The following CCDC102B variants were observed in gnomAD, a reference collection of about 807,000 sequenced individuals.
CCDC102B encodes the protein coiled-coil domain-containing protein 102B.
A neutral mutation model predicts 57.4 loss-of-function variants in CCDC102B; 75 were observed. The observed-to-expected ratio is 1.31, with a 90% confidence interval of 1.08 to 1.58. The LOEUF is 1.58. Among genes scored for constraint, CCDC102B ranks in the 40% most tolerant of loss-of-function variants. The pLI, the probability that CCDC102B is intolerant of heterozygous loss-of-function variation, is 0.00. For missense variants in CCDC102B, 636 were observed against 582.6 expected (o/e 1.09, Z -0.94); for synonymous variants, 206 against 201.9 (o/e 1.02, Z -0.17).
chr18:69,003,098 A>C (rs2051249198), intron 6 of CCDC102B, among the ~76,000 whole-genome samples: 1 of 152,166 alleles, frequency 6.6e-6, no homozygotes, highest in Non-Finnish European at 1.5e-5. Context: ...TCTGTCTCAA[A>C]ATATTTTTTT....
At chr18:68,939,660 C>T (rs985318312) in intron 6 of CCDC102B, among the ~76,000 whole-genome samples, 43 of 151,834 alleles carry the variant, frequency 2.8e-4, no homozygotes, top group Middle Eastern at 3.4e-3. Context: ...TAGAATATGT[C>T]GCAGAAGGTT....
chr18:68,999,294 C>T (rs1254119138), intron 6 of CCDC102B, among the ~76,000 whole-genome samples: 1 of 151,986 alleles, frequency 6.6e-6, no homozygotes, highest in Non-Finnish European at 1.5e-5. Context: ...AAATAAGTTT[C>T]TCTTTTTGTT....
chr18:68,800,289 G>A (rs1261142111), intron 1 of CCDC102B, among the ~76,000 whole-genome samples: 1 of 152,084 alleles, frequency 6.6e-6, no homozygotes, highest in Non-Finnish European at 1.5e-5. Context: ...TCTGGCAGAA[G>A]TCGAGCAGAA....
intron 2 of CCDC102B, among the ~76,000 whole-genome samples, chr18:68,752,479 GA>G (rs72175132): frequency 0.32 from 44,510 of 137,614 alleles, 6,901 homozygotes; most frequent in Non-Finnish European, 0.36. Flanking sequence ...GAAAATGTCT[GA>G]AAAAAAAAAA....
chr18:68,785,693 A>T (rs2035180777), intron 2 of CCDC102B, among the ~76,000 whole-genome samples: 2 of 146,172 alleles, frequency 1.4e-5, no homozygotes, highest in Admixed American at 1.4e-4. Flanking sequence ...TTTTCTTGTA[A>T]ATTTGTTTGA....
intron 2 of CCDC102B, among the ~76,000 whole-genome samples, chr18:68,788,449 A>AG (rs1392939195): frequency 6.6e-6 from 1 of 150,530 alleles, no homozygotes; most frequent in African/African-American, 2.5e-5. Flanking sequence ...TCCCATTATT[A>AG]ATGTGTGGGA....
chr18:68,750,437 T>C (rs1399434748), intron 2 of CCDC102B, among the ~76,000 whole-genome samples: 2 of 152,162 alleles, frequency 1.3e-5, no homozygotes, highest in Non-Finnish European at 2.9e-5. Flanking sequence ...GCCATCCCAT[T>C]AGTGGGTATA....
intron 2 of CCDC102B, among the ~76,000 whole-genome samples, chr18:68,755,422 T>C (rs181144888): frequency 1.3e-5 from 2 of 152,262 alleles, no homozygotes; most frequent in Admixed American, 1.3e-4. Flanking sequence ...ATGGAATCTA[T>C]GAAAAATTCC....
At chr18:68,725,246 G>C (rs1202740067) in intron 2 of CCDC102B, among the ~76,000 whole-genome samples, 2 of 152,208 alleles carry the variant, frequency 1.3e-5, no homozygotes, top group Non-Finnish European at 2.9e-5. Context: ...ATATCAGGTA[G>C]ATTCTGTGTC....
At chr18:68,718,485 G>A (rs1568215028) in intron 2 of CCDC102B, among the ~76,000 whole-genome samples, 2 of 152,288 alleles carry the variant, frequency 1.3e-5, no homozygotes, top group East Asian at 3.9e-4. Flanking sequence ...TAAAAGTTGG[G>A]ATACAGGTAA....
At chr18:68,838,518 CAT>C (rs2037484756) in intron 2 of CCDC102B, 186 bp from the exon 3 acceptor site, 1 of 984,818 alleles carries the variant, frequency 1.0e-6, no homozygotes, top group Non-Finnish European at 1.2e-6. Context: ...GAAAGTAGAA[CAT>C]AGAAAAAAAC....
intron 6 of CCDC102B, among the ~76,000 whole-genome samples, chr18:68,914,023 T>C (rs147610886): frequency 3.3e-4 from 50 of 152,340 alleles, no homozygotes; most frequent in African/African-American, 1.2e-3. Context: ...TTTTAAAACA[T>C]AGGTAATTTT....
At chr18:68,798,539 G>C (rs2035718254) in intron 1 of CCDC102B, 1 of 152,122 alleles carries the variant, frequency 6.6e-6, no homozygotes, top group African/African-American at 2.4e-5. Flanking sequence ...ATGTGAATTA[G>C]TCATTGTGTT....
At chr18:68,828,337 A>AAAC (rs2036997767) in intron 1 of CCDC102B, among the ~76,000 whole-genome samples, 1 of 150,540 alleles carries the variant, frequency 6.6e-6, no homozygotes, top group Non-Finnish European at 1.5e-5. Flanking sequence ...AAAAAAAAAA[A>AAAC]AAAAAAAAAA....
intron 6 of CCDC102B, among the ~76,000 whole-genome samples, chr18:68,952,974 CAAAG>C (rs1178277099): frequency 2.0e-5 from 3 of 151,816 alleles, no homozygotes; most frequent in African/African-American, 7.3e-5. Context: ...AATTAGAAAA[CAAAG>C]AAATGACCAT....
At position 69,011,012 on chromosome 18, in the gene CCDC102B, A is replaced by G. The variant is rs2051500411; in HGVS notation, c.1342A>G (p.Asn448Asp). 1 of 1,614,030 alleles carries G rather than the reference A, an allele frequency of 6.2e-7. No homozygotes were observed. Among genetic ancestry groups the G allele is most frequent in the Middle Eastern group, 1.7e-4 (1 of 6,058 alleles). ...AAATATTGCAGAACTGACTCATGCA[A>G]ACAACCGAGTGGATCAAAATGAAGC... is the stretch of plus-strand genomic sequence containing the variant. ...QANIAELTHA[N>D]NRVDQNEAEV... The change falls in exon 7 of 8, where the codon AAC (asparagine) becomes GAC (aspartate). Residue 448 changes from asparagine to aspartate, a missense_variant. Physicochemically the swap from Asn to Asp is conservative, Grantham distance 23. Coordinates refer to ENST00000360242, the MANE Select transcript of CCDC102B (RefSeq NM_024781.3).
chr18:68,826,621 A>G (rs1288234703), intron 1 of CCDC102B, among the ~76,000 whole-genome samples: 1 of 152,172 alleles, frequency 6.6e-6, no homozygotes, highest in Non-Finnish European at 1.5e-5. Context: ...AGTGAGGGAC[A>G]TTTTAGAAGT....
intron 6 of CCDC102B, among the ~76,000 whole-genome samples, chr18:68,927,543 G>A (rs1482263259): frequency 6.6e-6 from 1 of 151,854 alleles, no homozygotes; most frequent in Non-Finnish European, 1.5e-5. Context: ...TCCCTACCTG[G>A]GAAGACGCCA....
At chr18:68,780,671 G>T (rs2034977398) in intron 2 of CCDC102B, among the ~76,000 whole-genome samples, 1 of 152,060 alleles carries the variant, frequency 6.6e-6, no homozygotes, top group Non-Finnish European at 1.5e-5. Flanking sequence ...AATGACTAAT[G>T]ATGCTGAGGT....
Sources: allele counts gnomAD v4.1 joint callset (sites outside exome capture counted in the v4.1 genomes callset), GRCh38; gene constraint gnomAD v4.1.1; transcripts MANE v1.5; gene names NCBI Gene and HGNC (gene_info 2026-07-23, HGNC 2026-07-21).